Variants in SORBS2 observed in about 807,000 individuals in gnomAD.
SORBS2 encodes the protein sorbin and SH3 domain containing 2.
SORBS2 carries 46 observed loss-of-function variants against 97.7 expected under a neutral mutation model. The observed-to-expected ratio is 0.47, with a 90% CI of 0.37 to 0.60. The LOEUF is 0.60. Ranked by LOEUF, SORBS2 falls within the 20% of genes least tolerant of loss-of-function variation. SORBS2 has a pLI of 0.00. For synonymous variants in SORBS2, 476 were observed against 473.4 expected, an observed-to-expected ratio of 1.01 and a Z score of -0.07; for missense variants, 1,316 against 1,282.3, an observed-to-expected ratio of 1.03 and a Z score of -0.40.
intron 1 of SORBS2, among the ~76,000 whole-genome samples, chr4:185,790,761 T>C (rs1024595524): frequency 2.6e-5 from 4 of 152,242 alleles, no homozygotes; most frequent in African/African-American, 9.6e-5. Context: ...CTCTAAAATA[T>C]GTTTATCACT....
intron 9 of SORBS2, among the ~76,000 whole-genome samples, chr4:185,615,812 A>G (rs1325990917): frequency 1.3e-5 from 2 of 152,180 alleles, no homozygotes; most frequent in African/African-American, 4.8e-5. Flanking sequence ...TTGCCTTTCT[A>G]TCTTTTATTT....
chr4:185,837,957 T>C (rs1298627539), intron 1 of SORBS2, among the ~76,000 whole-genome samples: 2 of 152,208 alleles, frequency 1.3e-5, no homozygotes, highest in African/African-American at 4.8e-5. Context: ...TGTTTGCTTT[T>C]CTTTGAATGT....
In SORBS2 at chr4:185,829,892, A is replaced by G. The variant is rs115457729; in HGVS notation, c.-337-54526T>C. 1.1e-3 allele frequency among the ~76,000 whole-genome samples: 162 copies of G among 152,336 alleles called. 2 individuals carry two copies. Among genetic ancestry groups the G allele is most frequent in the African/African-American group, 3.5e-3 (146 of 41,570 alleles). On this transcript the variant is annotated intron_variant, in intron 1 of 20. Transcript: ENST00000284776. The stretch of plus-strand genomic sequence containing the variant: ...CAAAAATGCATGGCTCAAAATAAAT[A>G]ATTGGATTTTTCAGATTTAAATCTT...
At chr4:185,820,595 A>G (rs1452027573) in intron 1 of SORBS2, among the ~76,000 whole-genome samples, 1 of 152,150 alleles carries the variant, frequency 6.6e-6, no homozygotes, top group Non-Finnish European at 1.5e-5. Context: ...GAGGCTAGGG[A>G]GCAGCGTGCG....
intron 1 of SORBS2, chr4:185,656,530 C>A: frequency 1.1e-6 from 1 of 950,948 alleles, no homozygotes; most frequent in Non-Finnish European, 1.6e-6. Flanking sequence ...AGGGGAGCAG[C>A]TCTTGGCCAC....
At chr4:185,626,430 A>G (rs757653491) in intron 6 of SORBS2, among the ~76,000 whole-genome samples, 3 of 152,218 alleles carry the variant, frequency 2.0e-5, no homozygotes, top group Non-Finnish European at 4.4e-5. Context: ...TTTAGCCAAC[A>G]ATTTGCTCTG....
At chr4:185,811,139 C>G (rs192468047) in intron 1 of SORBS2, 1 of 152,184 alleles carries the variant, frequency 6.6e-6, no homozygotes, top group African/African-American at 2.4e-5. Context: ...CCAAGACACT[C>G]AGTCCAGGGT....
At chr4:185,714,291 T>C (rs28367124) in intron 2 of SORBS2, among the ~76,000 whole-genome samples, 32,408 of 152,202 alleles carry the variant, frequency 0.21, 3,991 homozygotes, top group Non-Finnish European at 0.28. Context: ...AGTGTCTTGC[T>C]TTCAGCTTCA....
intron 12 of SORBS2, among the ~76,000 whole-genome samples, chr4:185,599,750 C>T (rs2096210894): frequency 6.6e-6 from 1 of 152,184 alleles, no homozygotes; most frequent in African/African-American, 2.4e-5. Flanking sequence ...GAGAATCTGA[C>T]CATGTCTTTG....
chr4:185,609,671 T>C (rs1048400424), intron 12 of SORBS2, among the ~76,000 whole-genome samples: 2 of 152,212 alleles, frequency 1.3e-5, no homozygotes, highest in Non-Finnish European at 2.9e-5. Flanking sequence ...AAAATCAACA[T>C]ACATTTTAGT....
At chr4:185,889,322 C>T (rs901653916) in intron 1 of SORBS2, among the ~76,000 whole-genome samples, 1 of 152,090 alleles carries the variant, frequency 6.6e-6, no homozygotes, top group Admixed American at 6.5e-5. Flanking sequence ...CAATTGCTCC[C>T]TTTCTCTCCC....
In SORBS2 at chr4:185,784,551, C is replaced by A. The variant is rs541181093; in HGVS notation, c.-337-9185G>T. Among the ~76,000 whole-genome samples, 211 of 152,226 alleles carry A rather than the reference C, an allele frequency of 1.4e-3. 1 individual carries two copies. The highest frequency in any genetic ancestry group is 4.8e-3 in the African/African-American group (200 of 41,534). ...CGATGGAGAGAGGATAGAGAGGAACCTACTCTGGGCTACCTGTCCGTGGGA... is the reference window on the plus strand; with the variant it reads ...CGATGGAGAGAGGATAGAGAGGAACATACTCTGGGCTACCTGTCCGTGGGA... On this transcript the variant is annotated intron_variant, in intron 1 of 20. Transcript: ENST00000284776.
At chr4:185,673,901 A>G (rs552222764) in intron 4 of SORBS2, among the ~76,000 whole-genome samples, 37 of 152,142 alleles carry the variant, frequency 2.4e-4, no homozygotes, top group Non-Finnish European at 1.9e-4. Flanking sequence ...CATTTTCCTC[A>G]CATGGCTTTT....
chr4:185,945,143 C>A (rs1406367266), intron 1 of SORBS2, among the ~76,000 whole-genome samples: 1 of 152,164 alleles, frequency 6.6e-6, no homozygotes, highest in Non-Finnish European at 1.5e-5. Flanking sequence ...AGAATATAGA[C>A]CATCAGCAGT....
intron 11 of SORBS2, among the ~76,000 whole-genome samples, chr4:185,614,035 G>T (rs1401309758): frequency 6.6e-6 from 1 of 152,034 alleles, no homozygotes; most frequent in Admixed American, 6.6e-5. Flanking sequence ...CGCCTGTGTT[G>T]TGTGCAGAGG....
intron 12 of SORBS2, among the ~76,000 whole-genome samples, chr4:185,601,425 G>A (rs2096259308): frequency 6.6e-6 from 1 of 152,104 alleles, no homozygotes; most frequent in Non-Finnish European, 1.5e-5. Flanking sequence ...CTGCTGGTTC[G>A]TGTGAGAAGG....
intron 1 of SORBS2, among the ~76,000 whole-genome samples, chr4:185,867,963 TCC>T (rs1208427558): frequency 6.6e-6 from 1 of 152,018 alleles, no homozygotes; most frequent in African/African-American, 2.4e-5. Context: ...AGAAAATCTC[TCC>T]CTCTTGAGGC....
At chr4:185,609,471 C>T (rs2096496422) in intron 12 of SORBS2, among the ~76,000 whole-genome samples, 2 of 152,132 alleles carry the variant, frequency 1.3e-5, no homozygotes, top group Non-Finnish European at 2.9e-5. Flanking sequence ...CCACAGTCAC[C>T]GAAATACATG....
At chr4:185,656,649 GC>G in exon 1 of SORBS2, 1 of 1,550,836 alleles carries the variant, frequency 6.4e-7, no homozygotes, top group Non-Finnish European at 8.7e-7. Flanking sequence ...CCTGTCCCCG[GC>G]TTCCTTCTCC....
Sources: gnomAD v4.1 joint callset for allele counts (sites outside exome capture counted in the v4.1 genomes callset) on GRCh38, gnomAD v4.1.1 for gene constraint, MANE v1.5 for transcripts, NCBI Gene and HGNC (gene_info 2026-07-23, HGNC 2026-07-21) for gene names.